PDE2A: variants seen among roughly 807,000 people sequenced by gnomAD.
The protein encoded by PDE2A is phosphodiesterase 2A.
In PDE2A, 53 loss-of-function variants were observed where a neutral mutation model predicts 133.6. The ratio of observed to expected loss-of-function variants is 0.40; its 90% CI spans 0.32 to 0.50. The LOEUF is 0.50. PDE2A is among the 20% of genes least tolerant of loss of function. PDE2A has a pLI of 0.73. For synonymous variants in PDE2A, 491 were observed against 490.2 expected (o/e 1.00, Z -0.02); for missense variants, 796 against 1,232.4 (o/e 0.65, Z 5.30).
chr11:72,651,347 C>T (rs552977464), intron 1 of PDE2A, among the ~76,000 whole-genome samples: 3 of 152,070 alleles, frequency 2.0e-5, no homozygotes, highest in Non-Finnish European at 4.4e-5. Context: ...GGGGAGGGCA[C>T]AGCAGCAAGC....
At chr11:72,615,962 G>A (rs924133751) in intron 2 of PDE2A, among the ~76,000 whole-genome samples, 6 of 152,192 alleles carry the variant, frequency 3.9e-5, no homozygotes, top group Non-Finnish European at 8.8e-5. Context: ...GGCCCCTGGT[G>A]AGGTGGCAGG....
intron 1 of PDE2A, among the ~76,000 whole-genome samples, chr11:72,667,208 C>T (rs1855262378): frequency 6.6e-6 from 1 of 152,208 alleles, no homozygotes. Context: ...CTCAGATCAG[C>T]ATACACATAT....
At chr11:72,614,860 A>G (rs140728000) in intron 2 of PDE2A, among the ~76,000 whole-genome samples, 14 of 152,230 alleles carry the variant, frequency 9.2e-5, no homozygotes, top group Admixed American at 7.2e-4. Context: ...GAGGGAGACT[A>G]GTGGTGGGGA....
intron 1 of PDE2A, among the ~76,000 whole-genome samples, chr11:72,647,608 C>A (rs1859165673): frequency 2.0e-5 from 3 of 152,208 alleles, no homozygotes; most frequent in Non-Finnish European, 4.4e-5. Flanking sequence ...AAGAGGGCCC[C>A]ACTTCCAAGG....
At chr11:72,619,690 T>C (rs1281576455) in intron 2 of PDE2A, among the ~76,000 whole-genome samples, 1 of 152,124 alleles carries the variant, frequency 6.6e-6, no homozygotes, top group Non-Finnish European at 1.5e-5. Context: ...GTTAGTCTTG[T>C]CTCCAAATGA....
intron 13 of PDE2A, among the ~76,000 whole-genome samples, chr11:72,587,344 G>A (rs887707566): frequency 3.3e-5 from 5 of 152,188 alleles, no homozygotes; most frequent in Middle Eastern, 3.2e-3. Context: ...TGGCTACTTA[G>A]CTGTGTTTCA....
intron 2 of PDE2A, among the ~76,000 whole-genome samples, chr11:72,638,381 G>A (rs997594507): frequency 6.6e-5 from 10 of 152,322 alleles, no homozygotes; most frequent in Admixed American, 5.9e-4. Flanking sequence ...TCTGGACTCT[G>A]CCAGACCCAG....
chr11:72,586,525 GA>G (rs1287356322), intron 13 of PDE2A, among the ~76,000 whole-genome samples: 1 of 152,214 alleles, frequency 6.6e-6, no homozygotes, highest in Non-Finnish European at 1.5e-5. Context: ...CAGCCTTGGG[GA>G]GGGGCGGTGG....
chr11:72,614,568 G>T (rs1237266265), intron 2 of PDE2A, among the ~76,000 whole-genome samples: 1 of 152,112 alleles, frequency 6.6e-6, no homozygotes, highest in East Asian at 1.9e-4. Flanking sequence ...CCACCCCCAG[G>T]GTTTCTGATA....
chr11:72,589,871 C>A (rs1249317130), intron 10 of PDE2A, 36 bp downstream of exon 10: 4 of 1,608,332 alleles, frequency 2.5e-6, no homozygotes, highest in Non-Finnish European at 3.4e-6. Context: ...CCTCGCCCAG[C>A]CCCGCCCCCG....
intron 13 of PDE2A, among the ~76,000 whole-genome samples, chr11:72,587,237 G>A (rs1453052719): frequency 2.0e-5 from 3 of 152,256 alleles, no homozygotes; most frequent in Middle Eastern, 3.4e-3. Flanking sequence ...GAAACACTTC[G>A]GAGGTCTTTG....
intron 6 of PDE2A, among the ~76,000 whole-genome samples, chr11:72,591,732 G>A (rs1390271179): frequency 1.3e-5 from 2 of 152,196 alleles, no homozygotes; most frequent in African/African-American, 4.8e-5. Context: ...CAGCCTCCCG[G>A]CTCTATCCTG....
At chr11:72,636,756 G>A (rs1184049544) in intron 2 of PDE2A, among the ~76,000 whole-genome samples, 1 of 151,938 alleles carries the variant, frequency 6.6e-6, no homozygotes, top group Admixed American at 6.6e-5. Flanking sequence ...CCATTTCCCT[G>A]TCCAGGCCTC....
chr11:72,631,195 C>T (rs1858365261), intron 2 of PDE2A: 1 of 1,395,472 alleles, frequency 7.2e-7, no homozygotes, highest in Non-Finnish European at 9.7e-7. Context: ...CCCCTTCTCC[C>T]CAGACTGTCC....
At chr11:72,646,244 C>G (rs185166572) in intron 1 of PDE2A, among the ~76,000 whole-genome samples, 71 of 152,336 alleles carry the variant, frequency 4.7e-4, no homozygotes, top group African/African-American at 1.5e-3. Flanking sequence ...CAGCCTGGGT[C>G]CTGGGCCCAC....
chr11:72,581,808 G>A (rs373722333), intron 22 of PDE2A, 69 bp downstream of exon 22: 83 of 1,391,768 alleles, frequency 6.0e-5, no homozygotes, highest in Middle Eastern at 4.1e-4. Context: ...CCAGAATGCC[G>A]GGGGCAACGG....
chr11:72,647,942 G>A (rs1026266546), intron 1 of PDE2A, among the ~76,000 whole-genome samples: 5 of 152,200 alleles, frequency 3.3e-5, no homozygotes, highest in Non-Finnish European at 5.9e-5. Context: ...TATAGGGGTT[G>A]GCACGGGTGT....
intron 2 of PDE2A, among the ~76,000 whole-genome samples, chr11:72,610,954 A>C (rs1857187337): frequency 6.6e-6 from 1 of 152,228 alleles, no homozygotes; most frequent in Admixed American, 6.5e-5. Context: ...AAGACTAAAA[A>C]GGGGAGGAAG....
Position 72,642,276 on chromosome 11 carries a change from T to G in PDE2A, c.122A>C (p.Gln41Pro). The change falls in exon 2 of 31, where the codon CAG becomes CCG. Residue 41 changes from glutamine to proline, a missense_variant. Gln to Pro is a moderately conservative substitution (Grantham distance 76, BLOSUM62 -1). Transcript: ENST00000334456. ...TACCTGCAGGCTGTCGGCGCATGGC[T>G]GCGGCGGCGGCGGCGGCTCGTCCGG... Reference protein sequence around the residue: ...LKPDEPPPPPQPCADSLQDAL... With the variant: ...LKPDEPPPPPPPCADSLQDAL... 6.6e-7 allele frequency: 1 copy of G among 1,525,184 alleles called. No individual in the cohort carries two copies. The highest frequency in any genetic ancestry group is 8.8e-7 in the Non-Finnish European group (1 of 1,139,394). 94.5% of individuals were successfully genotyped at this position (1,525,184 alleles called of 1,614,324 possible).
Sources: gnomAD v4.1 joint callset for allele counts (sites outside exome capture counted in the v4.1 genomes callset) on GRCh38, gnomAD v4.1.1 for gene constraint, MANE v1.5 for transcripts, NCBI Gene and HGNC (gene_info 2026-07-23, HGNC 2026-07-21) for gene names.